Variants in IL2RB observed in about 807,000 individuals in gnomAD.
IL2RB encodes the protein interleukin 2 receptor subunit beta, also known as interleukin-2 receptor subunit beta.
In IL2RB, 17 loss-of-function variants were observed where a neutral mutation model predicts 44.2. That is an observed-to-expected ratio of 0.38 (90% CI 0.26 to 0.58). The LOEUF is 0.58. Among genes scored for constraint, IL2RB ranks in the 20% least tolerant of loss-of-function variants. The pLI is 0.63. For synonymous variants in IL2RB, 286 were observed against 297.9 expected (o/e 0.96, Z 0.41); for missense variants, 624 against 685.5 (o/e 0.91, Z 1.00).
At position 37,143,655 on chromosome 22, in the gene IL2RB, G is replaced by A. The variant is rs768123415; in HGVS notation, c.89-20C>T. 3 of 1,568,860 alleles carry A rather than the reference G, an allele frequency of 1.9e-6. No individual in the cohort carries two copies. In the East Asian group the frequency reaches 6.7e-5, roughly 35 times the overall value. On this transcript the variant is annotated intron_variant, in intron 2 of 9. Coordinates refer to ENST00000216223, the MANE Select transcript of IL2RB (RefSeq NM_000878.5). Reference sequence around the variant, plus strand: ...AAGTGCCTGCCGGGCAAGATGAGGTGTGAGTGCTGACTGTAGGTGCCCACA... The same window carrying A: ...AAGTGCCTGCCGGGCAAGATGAGGTATGAGTGCTGACTGTAGGTGCCCACA...
chr22:37,128,341 G>T lies in IL2RB; in HGVS notation c.1411C>A (p.Pro471Thr). 2 of 1,504,306 alleles carry T rather than the reference G, an allele frequency of 1.3e-6. No homozygotes were observed. The highest frequency in any genetic ancestry group is 2.3e-5 in the East Asian group (1 of 43,060). The allele number at this position is 1,504,306 out of a possible 1,614,324, so 93.2% of individuals were successfully genotyped here. ...ACTCCTGGGGTGGGAGGCCCCAGGG[G>T]CTGGGGGTCCCAGTCTCTGGGGACT... ...ERVPRDWDPQ[P>T]LGPPTPGVPD... Residue 471 changes from proline (P) to threonine (T), a missense_variant, in exon 10 of 10, where the codon CCC (proline) becomes ACC (threonine). Physicochemically the swap from Pro to Thr is conservative, Grantham distance 38. Coordinates refer to ENST00000216223, the MANE Select transcript of IL2RB (RefSeq NM_000878.5). This position sits in a 1 kb window ranked among gnomAD's most constrained non-coding sequence, Gnocchi z 4.5.
chr22:37,139,824 C>A (rs1489282794), intron 4 of IL2RB, among the ~76,000 whole-genome samples: 1 of 152,244 alleles, frequency 6.6e-6, no homozygotes, highest in Non-Finnish European at 1.5e-5. Context: ...CAGCATCCAT[C>A]CCATGGTATG....
intron 1 of IL2RB, among the ~76,000 whole-genome samples, chr22:37,145,699 G>A (rs1303419130): frequency 6.6e-6 from 1 of 152,042 alleles, no homozygotes; most frequent in African/African-American, 2.4e-5. Context: ...GGAAAGATGA[G>A]GGTAGCCTCA....
Position 37,136,970 on chromosome 22 carries a change from C to T in IL2RB, c.538-577G>A, listed in dbSNP as rs1170842184. ...TCACCTGAGTCTGAAGTAGCCTGTG[C>T]CAGTCACTGTCAAATTCCTTGCCCC... is the stretch of plus-strand genomic sequence containing the variant. On this transcript the variant is annotated intron_variant, in intron 6 of 9. Coordinates refer to ENST00000216223, the MANE Select transcript of IL2RB (RefSeq NM_000878.5). Among the ~76,000 whole-genome samples the T allele has an allele frequency of 4.6e-5, 7 of 152,218 alleles. No individual in the cohort carries two copies. In the East Asian group the frequency reaches 1.3e-3, roughly 29 times the overall value.
In IL2RB at chr22:37,128,994, T is replaced by C. The variant is rs756344669; in HGVS notation, c.904-146A>G. The C allele has an allele frequency of 6.9e-6, 7 of 1,007,874 alleles. No individual in the cohort carries two copies. The East Asian group carries it at 1.3e-4, about 19-fold the overall frequency. The allele number at this position is 1,007,874 out of a possible 1,614,324, so 62.4% of individuals were successfully genotyped here. A position where few individuals can be genotyped will look rare whatever the true frequency, so the allele number is the denominator to read the frequency against. ...CCATCCAGGAAGCTCTCCCTGATTA[T>C]AGCCCCGCACTCCCCCAACCCACCC... is the stretch of plus-strand genomic sequence containing the variant. On this transcript the variant is annotated intron_variant, in intron 9 of 9. Transcript: ENST00000216223. The surrounding 1 kb of genome is among the most constrained non-coding windows in gnomAD (Gnocchi z 4.5).
chr22:37,133,497 C>T lies in IL2RB; in HGVS notation c.819-1029G>A, dbSNP rs538753898. Among the ~76,000 whole-genome samples the T allele has an allele frequency of 7.9e-5, 12 of 152,328 alleles. No homozygotes were observed. The South Asian group carries it at 2.5e-3, about 32-fold the overall frequency. On this transcript the variant is annotated intron_variant, in intron 8 of 9. Coordinates refer to ENST00000216223, the MANE Select transcript of IL2RB (RefSeq NM_000878.5). ...CATCAGTTAAAAGGCAATGGTAGCC[C>T]CTGACTCACTGCCTTCCCAGTGCTG...
intron 7 of IL2RB, 143 bp downstream of exon 7, chr22:37,136,085 C>T (rs944884246): frequency 2.0e-5 from 17 of 871,600 alleles, no homozygotes; most frequent in African/African-American, 1.0e-4. Flanking sequence ...GTCTGAAAAG[C>T]GAGCCCCCTG....
intron 1 of IL2RB, among the ~76,000 whole-genome samples, chr22:37,157,837 G>C (rs115787516): frequency 4.1e-4 from 62 of 152,160 alleles, no homozygotes; most frequent in Middle Eastern, 3.4e-3. Context: ...CCTGACATAC[G>C]GACAGTGTCA....
intron 1 of IL2RB, among the ~76,000 whole-genome samples, chr22:37,165,498 C>T (rs1364490207): frequency 6.6e-6 from 1 of 152,032 alleles, no homozygotes; most frequent in Non-Finnish European, 1.5e-5. Context: ...TTATAGCAGC[C>T]ACAAAAGATG....
chr22:37,133,604 AC>A (rs1312819197), intron 8 of IL2RB, among the ~76,000 whole-genome samples: 1 of 152,042 alleles, frequency 6.6e-6, no homozygotes, highest in Non-Finnish European at 1.5e-5. Context: ...GGGGGCCACA[AC>A]CCCCGGTCAG....
At chr22:37,174,008 T>C (rs1045023149) in intron 1 of IL2RB, among the ~76,000 whole-genome samples, 5 of 152,080 alleles carry the variant, frequency 3.3e-5, no homozygotes, top group Non-Finnish European at 7.4e-5. Flanking sequence ...CTCAACAGCT[T>C]CTCCCCACCC....
rs1321097046 is a variant in IL2RB at position 37,139,135 on chromosome 22, A to G, written c.370T>C (p.Phe124Leu). The change falls in exon 5 of 10, where the codon TTC becomes CTC. Residue 124 changes from phenylalanine to leucine, a missense_variant. Physicochemically the swap from Phe to Leu is conservative, Grantham distance 22. Transcript: ENST00000216223. ...CACTCACGGTTCTCAAAGGGCTTGA[A>G]GTCCTGGATGGCCATCACCCTCCAT... ...VRWRVMAIQD[F>L]KPFENLRLMA... The G allele has an allele frequency of 6.2e-7, 1 of 1,612,980 alleles. No homozygotes were observed. The highest frequency in any genetic ancestry group is 1.3e-5 in the African/African-American group (1 of 74,902).
chr22:37,141,215 GCACT>G lies in IL2RB; in HGVS notation c.282+1215_282+1218del, dbSNP rs1921953686. 6.6e-6 allele frequency among the ~76,000 whole-genome samples: 1 copy of G among 151,980 alleles called. No homozygotes were observed. The highest frequency in any genetic ancestry group is 1.5e-5 in the Non-Finnish European group (1 of 67,964). On this transcript the variant is annotated intron_variant, in intron 4 of 9. Coordinates refer to ENST00000216223, the MANE Select transcript of IL2RB (RefSeq NM_000878.5). This position sits in a 1 kb window ranked among gnomAD's most constrained non-coding sequence, Gnocchi z 4.4. Reference sequence around the variant, plus strand: ...CGTGGCCACAGAGCCAGGTGTCCCTGCACTCTCAGGGGCCCTGGTCCAAACCCAA... The same window carrying G: ...CGTGGCCACAGAGCCAGGTGTCCCTGCTCAGGGGCCCTGGTCCAAACCCAA...
At chr22:37,149,114 A>G (rs1210260451) in intron 1 of IL2RB, among the ~76,000 whole-genome samples, 1 of 152,066 alleles carries the variant, frequency 6.6e-6, no homozygotes, top group Admixed American at 6.5e-5. Context: ...GGTGCTACAA[A>G]CACAGTTAAG....
chr22:37,139,237 G>C lies in IL2RB; in HGVS notation c.283-15C>G, dbSNP rs756886584. ...AGTTTCTGAGACTGCAAGGGAAGGA[G>C]GGCAGGGGTGAAACTTCTAGCAGCT... On this transcript the variant is annotated splice_polypyrimidine_tract_variant and intron_variant, in intron 4 of 9. Coordinates refer to ENST00000216223, the MANE Select transcript of IL2RB (RefSeq NM_000878.5). 1 of 1,576,930 alleles carries C rather than the reference G, an allele frequency of 6.3e-7. No homozygotes were observed. The highest frequency in any genetic ancestry group is 1.1e-5 in the South Asian group (1 of 88,706).
intron 9 of IL2RB, among the ~76,000 whole-genome samples, chr22:37,131,583 T>C (rs1601595274): frequency 6.6e-6 from 1 of 152,166 alleles, no homozygotes; most frequent in East Asian, 1.9e-4. Context: ...GGAAGACTTG[T>C]TAGTATCCAC....
upstream of IL2RB, among the ~76,000 whole-genome samples, chr22:37,154,875 T>A (rs1428489701): frequency 6.6e-6 from 1 of 152,054 alleles, no homozygotes; most frequent in African/African-American, 2.4e-5. Context: ...CGGCCGGCCA[T>A]CCCTCTATCT....
At chr22:37,135,756 T>A (rs1601597811) in intron 7 of IL2RB, among the ~76,000 whole-genome samples, 1 of 85,910 alleles carries the variant, frequency 1.2e-5, no homozygotes, top group Non-Finnish European at 2.3e-5. Flanking sequence ...TCCACCTCCC[T>A]CCAAGCACCA....
chr22:37,169,341 GA>G (rs111257076), intron 1 of IL2RB, among the ~76,000 whole-genome samples: 6 of 151,366 alleles, frequency 4.0e-5, no homozygotes, highest in African/African-American at 1.5e-4. Flanking sequence ...CTTGTTTACA[GA>G]GGGGTTCTTG....
Sources: allele counts gnomAD v4.1 joint callset (sites outside exome capture counted in the v4.1 genomes callset), GRCh38; gene constraint gnomAD v4.1.1; non-coding constraint Gnocchi (gnomAD v3.1); transcripts MANE v1.5; gene names NCBI Gene and HGNC (gene_info 2026-07-23, HGNC 2026-07-21).